Variants in NTN1 observed in about 807,000 individuals in gnomAD.
The protein encoded by NTN1 is netrin-1.
Under a neutral mutation model 54.2 loss-of-function variants are expected in NTN1, and 11 were observed. That is an observed-to-expected ratio of 0.20 (90% confidence interval 0.13 to 0.34). NTN1 has a LOEUF of 0.34. Among genes scored for constraint, NTN1 ranks in the 10% least tolerant of loss-of-function variants. The pLI is 1.00. For synonymous variants in NTN1, 371 were observed against 382.0 expected (o/e 0.97, Z 0.33); for missense variants, 740 against 893.1 (o/e 0.83, Z 2.18).
intron 2 of NTN1, among the ~76,000 whole-genome samples, chr17:9,093,195 TA>T (rs970372112): frequency 2.0e-5 from 3 of 152,352 alleles, no homozygotes; most frequent in African/African-American, 7.2e-5. Context: ...ACCGGCCTGA[TA>T]AACCGCATTT....
intron 5 of NTN1, among the ~76,000 whole-genome samples, chr17:9,187,234 GGA>G (rs2142323695): frequency 6.6e-6 from 1 of 152,264 alleles, no homozygotes; most frequent in Admixed American, 6.5e-5. Context: ...GGACAGGCGT[GGA>G]GAGTCAGCTT....
intron 6 of NTN1, among the ~76,000 whole-genome samples, chr17:9,227,995 C>T (rs1381382009): frequency 6.6e-6 from 1 of 152,188 alleles, no homozygotes; most frequent in Non-Finnish European, 1.5e-5. Context: ...CCAGCCTCCC[C>T]TCCACACTCG....
rs140722333 is a variant in NTN1, at chr17:9,042,293, C to A, written c.1018+18902C>A. On this transcript the variant is annotated intron_variant, in intron 2 of 6. Transcript: ENST00000173229. The stretch of plus-strand genomic sequence containing the variant: ...TTGGTGATGTGTTATTCTTTACTAA[C>A]ATTTTATTTTAGATTTTTATGCCTA... Among the ~76,000 whole-genome samples the A allele has an allele frequency of 4.4e-3, 669 of 152,144 alleles. 12 individuals carry two copies. The highest frequency in any genetic ancestry group is 0.024 in the East Asian group (122 of 5,180).
chr17:9,217,066 T>A (rs1905232093), intron 5 of NTN1, among the ~76,000 whole-genome samples: 1 of 151,064 alleles, frequency 6.6e-6, no homozygotes, highest in Admixed American at 6.6e-5. Flanking sequence ...AAAAGAAATA[T>A]AAGGTGACAT....
At chr17:9,127,693 G>A (rs772113025) in intron 2 of NTN1, among the ~76,000 whole-genome samples, 6 of 152,134 alleles carry the variant, frequency 3.9e-5, no homozygotes, top group Non-Finnish European at 4.4e-5. Context: ...CAGCTCAGAC[G>A]GGGGAACTAG....
At chr17:9,166,609 T>C (rs1167148083) in intron 3 of NTN1, among the ~76,000 whole-genome samples, 2 of 152,198 alleles carry the variant, frequency 1.3e-5, no homozygotes, top group African/African-American at 4.8e-5. Context: ...CCCAAAGTGC[T>C]GGGATTACAG....
At chr17:9,089,817 T>G (rs1454875579) in intron 2 of NTN1, among the ~76,000 whole-genome samples, 2 of 152,184 alleles carry the variant, frequency 1.3e-5, no homozygotes, top group African/African-American at 4.8e-5. Flanking sequence ...TCATCTCTCT[T>G]TTACAACCTG....
intron 5 of NTN1, among the ~76,000 whole-genome samples, chr17:9,218,001 C>T (rs114589122): frequency 6.6e-6 from 1 of 152,344 alleles, no homozygotes; most frequent in African/African-American, 2.4e-5. Flanking sequence ...CTTTCCTCTG[C>T]CACACTGGGT....
At position 9,022,532 on chromosome 17, in the gene NTN1, G is replaced by T; in HGVS notation, c.159G>T (p.Pro53=). The T allele has an allele frequency of 3.9e-6, 6 of 1,550,848 alleles. No homozygotes were observed. The highest frequency in any genetic ancestry group is 5.2e-6 in the Non-Finnish European group (6 of 1,150,902). ...DENGHPRRCI[P]DFVNAAFGKD... ...ACGGCCACCCGCGCCGCTGCATCCCGGACTTTGTCAATGCGGCCTTCGGCA... is the reference window on the plus strand; with the variant it reads ...ACGGCCACCCGCGCCGCTGCATCCCTGACTTTGTCAATGCGGCCTTCGGCA... The change falls in exon 2 of 7, where the codon CCG becomes CCT. Residue 53 remains proline (P), a synonymous_variant. Coordinates refer to ENST00000173229, the MANE Select transcript of NTN1 (RefSeq NM_004822.3).
At chr17:9,097,555 G>T (rs1367406578) in intron 2 of NTN1, among the ~76,000 whole-genome samples, 1 of 152,142 alleles carries the variant, frequency 6.6e-6, no homozygotes, top group Non-Finnish European at 1.5e-5. Flanking sequence ...AACCTAGGAG[G>T]TGGAGGTTGC....
At chr17:9,183,471 C>T in intron 5 of NTN1, 1 of 383,452 alleles carries the variant, frequency 2.6e-6, no homozygotes, top group South Asian at 2.0e-5. Context: ...CAAAGAGAGG[C>T]CGCAGACCGC....
chr17:9,093,342 AT>A (rs1281834391), intron 2 of NTN1, among the ~76,000 whole-genome samples: 1 of 152,088 alleles, frequency 6.6e-6, no homozygotes, highest in Non-Finnish European at 1.5e-5. Context: ...TATTAGAAAT[AT>A]TTTTCTTATT....
intron 4 of NTN1, among the ~76,000 whole-genome samples, chr17:9,180,760 C>T (rs555294987): frequency 2.4e-4 from 37 of 152,266 alleles, no homozygotes; most frequent in African/African-American, 7.2e-4. Context: ...TGAGGCGTTC[C>T]GTACAGCTGT....
chr17:9,182,293 T>C (rs2092420842), intron 4 of NTN1, among the ~76,000 whole-genome samples: 1 of 152,228 alleles, frequency 6.6e-6, no homozygotes, highest in Admixed American at 6.5e-5. Flanking sequence ...CAGAGTGCTA[T>C]ATTAGATAGA....
Position 9,243,456 on chromosome 17 carries a change from T to TGAAA in NTN1, c.*3491_*3494dup, listed in dbSNP as rs1301260767. On this transcript the variant is annotated 3_prime_UTR_variant, in exon 7 of 7. Transcript: ENST00000173229. ...GGAATGGTTCCTGCCTTCAGGAAAG[T>TGAAA]GAAAGACGCTTAGGCTGTCAACACT... The TGAAA allele has an allele frequency of 2.0e-5, 3 of 152,096 alleles. No individual in the cohort carries two copies. The highest frequency in any genetic ancestry group is 6.5e-5 in the Admixed American group (1 of 15,278). 9.4% of individuals were successfully genotyped at this position (152,096 alleles called of 1,614,324 possible).
At chr17:9,147,119 T>C (rs977930448) in intron 2 of NTN1, among the ~76,000 whole-genome samples, 1 of 152,198 alleles carries the variant, frequency 6.6e-6, no homozygotes, top group African/African-American at 2.4e-5. Context: ...CAGGACATCA[T>C]TGCAGAAGGA....
chr17:9,046,608 G>A (rs1240190411), intron 2 of NTN1, among the ~76,000 whole-genome samples: 3 of 152,066 alleles, frequency 2.0e-5, no homozygotes, highest in African/African-American at 4.8e-5. Flanking sequence ...GCAACATGGC[G>A]AAACCCTGTC....
In NTN1 at chr17:9,135,340, T is replaced by C. The variant is rs1280044269; in HGVS notation, c.1019-27473T>C. Among the ~76,000 whole-genome samples the C allele has an allele frequency of 6.6e-6, 1 of 152,200 alleles. No individual in the cohort carries two copies. The highest frequency in any genetic ancestry group is 1.5e-5 in the Non-Finnish European group (1 of 68,046). On this transcript the variant is annotated intron_variant, in intron 2 of 6. Transcript: ENST00000173229. This position sits in a 1 kb window ranked among gnomAD's most constrained non-coding sequence, Gnocchi z 4.4. The stretch of plus-strand genomic sequence containing the variant: ...GCACAGTCCTGAACCTGTGTCTGGC[T>C]CTTGCTTCCCCTGCAGCCATCCTGC...
intron 2 of NTN1, among the ~76,000 whole-genome samples, chr17:9,048,599 C>T (rs958361865): frequency 1.9e-4 from 29 of 152,052 alleles, no homozygotes; most frequent in Admixed American, 1.1e-3. Context: ...ATGGCGTCTT[C>T]GTCCAATAGA....
Sources: gnomAD v4.1 joint callset for allele counts (sites outside exome capture counted in the v4.1 genomes callset) on GRCh38, gnomAD v4.1.1 for gene constraint, Gnocchi (gnomAD v3.1) non-coding constraint, MANE v1.5 for transcripts, NCBI Gene and HGNC (gene_info 2026-07-23, HGNC 2026-07-21) for gene names.